The following NALF1 variants were observed in gnomAD, a reference collection of about 807,000 sequenced individuals.
NALF1 encodes family with sequence similarity 155 member A.
In NALF1, 3 loss-of-function variants were observed where a neutral mutation model predicts 48.4. The observed-to-expected ratio is 0.06, with a 90% CI of 0.03 to 0.16. The LOEUF is 0.16. NALF1 is among the 10% of genes least tolerant of loss of function. NALF1 has a pLI of 1.00. For missense variants in NALF1, 526 were observed against 571.5 expected (o/e 0.92, Z 0.81); for synonymous variants, 262 against 245.7 (o/e 1.07, Z -0.62).
intron 1 of NALF1, among the ~76,000 whole-genome samples, chr13:107,678,485 C>T (rs757058874): frequency 5.9e-5 from 9 of 152,222 alleles, no homozygotes; most frequent in South Asian, 2.1e-4. Context: ...TGTCCTACAC[C>T]GTCCTAGGGA....
chr13:107,814,944 T>C (rs936519706), intron 1 of NALF1, among the ~76,000 whole-genome samples: 13 of 152,004 alleles, frequency 8.6e-5, no homozygotes, highest in African/African-American at 2.9e-4. Context: ...CAGAATCCAA[T>C]AAATATAAAA....
chr13:107,419,479 T>C (rs969048284), intron 1 of NALF1, among the ~76,000 whole-genome samples: 45 of 152,230 alleles, frequency 3.0e-4, no homozygotes, highest in Admixed American at 8.5e-4. Context: ...AAAAATAACA[T>C]TGACTCTTGC....
chr13:107,544,595 A>G (rs901239677), intron 1 of NALF1, among the ~76,000 whole-genome samples: 5 of 152,184 alleles, frequency 3.3e-5, no homozygotes, highest in Non-Finnish European at 7.3e-5. Flanking sequence ...ATCCTGATTT[A>G]ACTGGCCAAA....
At chr13:107,841,997 TTTA>T (rs1206511126) in intron 1 of NALF1, among the ~76,000 whole-genome samples, 1 of 152,076 alleles carries the variant, frequency 6.6e-6, no homozygotes, top group Non-Finnish European at 1.5e-5. Flanking sequence ...TCTGCTTATA[TTTA>T]AGAACTCTTT....
chr13:107,482,923 C>T (rs1475673790), intron 1 of NALF1, among the ~76,000 whole-genome samples: 1 of 152,162 alleles, frequency 6.6e-6, no homozygotes, highest in Non-Finnish European at 1.5e-5. Context: ...TGGCCTCAGC[C>T]CCATGTAACT....
At chr13:107,383,955 T>C (rs553750621) in intron 1 of NALF1, among the ~76,000 whole-genome samples, 1 of 152,308 alleles carries the variant, frequency 6.6e-6, no homozygotes, top group Admixed American at 6.5e-5. Flanking sequence ...CAATTTAAAA[T>C]GGCATGCATT....
intron 2 of NALF1, 104 bp from the exon 3 acceptor site, chr13:107,170,890 C>T: frequency 9.9e-7 from 1 of 1,011,854 alleles, no homozygotes; most frequent in African/African-American, 1.6e-5. Flanking sequence ...ATCTTACAGG[C>T]AATTAGACAT....
At chr13:107,250,964 G>A (rs1258948600) in intron 1 of NALF1, among the ~76,000 whole-genome samples, 1 of 151,988 alleles carries the variant, frequency 6.6e-6, no homozygotes, top group Non-Finnish European at 1.5e-5. Context: ...GTTTCCTGAG[G>A]CCTCCCCAGC....
At chr13:107,513,206 G>A (rs924112392) in intron 1 of NALF1, among the ~76,000 whole-genome samples, 1 of 152,144 alleles carries the variant, frequency 6.6e-6, no homozygotes, top group Admixed American at 6.5e-5. Context: ...TATATTTGGG[G>A]AATTATTAAT....
chr13:107,210,820 T>C, intron 1 of NALF1, 65 bp from the exon 2 acceptor site: 1 of 1,153,562 alleles, frequency 8.7e-7, no homozygotes, highest in Non-Finnish European at 1.3e-6. Context: ...AGAGGCACTG[T>C]GAGAAGCGTG....
chr13:107,727,316 A>G (rs564471141), intron 1 of NALF1, among the ~76,000 whole-genome samples: 1 of 152,288 alleles, frequency 6.6e-6, no homozygotes, highest in African/African-American at 2.4e-5. Flanking sequence ...CCTTATATCT[A>G]TGTGACATTC....
intron 1 of NALF1, among the ~76,000 whole-genome samples, chr13:107,612,894 T>C (rs1041665119): frequency 9.9e-5 from 15 of 151,690 alleles, no homozygotes; most frequent in African/African-American, 3.6e-4. Flanking sequence ...AACTATCAAA[T>C]AGGACATACA....
At chr13:107,218,629 C>G (rs143601615) in intron 1 of NALF1, among the ~76,000 whole-genome samples, 4 of 152,106 alleles carry the variant, frequency 2.6e-5, no homozygotes, top group Non-Finnish European at 5.9e-5. Flanking sequence ...ACAAAACAAA[C>G]AAACAAACAA....
At chr13:107,668,272 T>C (rs1880908746) in intron 1 of NALF1, among the ~76,000 whole-genome samples, 2 of 152,108 alleles carry the variant, frequency 1.3e-5, no homozygotes, top group African/African-American at 4.8e-5. Context: ...TGTTCTGAAC[T>C]TTCCATCTCA....
At chr13:107,526,057 G>A (rs1876424468) in intron 1 of NALF1, among the ~76,000 whole-genome samples, 1 of 152,014 alleles carries the variant, frequency 6.6e-6, no homozygotes, top group Non-Finnish European at 1.5e-5. Context: ...CTGGATACAA[G>A]TTATTTGCCA....
intron 1 of NALF1, among the ~76,000 whole-genome samples, chr13:107,502,416 G>A (rs1381974005): frequency 1.3e-5 from 2 of 152,038 alleles, no homozygotes; most frequent in African/African-American, 2.4e-5. Context: ...TGGCTTAATT[G>A]TGATTAATTT....
chr13:107,528,248 G>T (rs1381058368), intron 1 of NALF1, among the ~76,000 whole-genome samples: 1 of 151,956 alleles, frequency 6.6e-6, no homozygotes, highest in Non-Finnish European at 1.5e-5. Flanking sequence ...CCACAATGGG[G>T]CCAATATGTT....
intron 1 of NALF1, among the ~76,000 whole-genome samples, chr13:107,655,579 T>C (rs73597341): frequency 0.012 from 1,837 of 152,176 alleles, 43 homozygotes; most frequent in African/African-American, 0.042. Context: ...AAAATGACCA[T>C]ACTGCCAAAA....
At chr13:107,784,728 T>C (rs948777975) in intron 1 of NALF1, among the ~76,000 whole-genome samples, 2 of 151,934 alleles carry the variant, frequency 1.3e-5, no homozygotes, top group African/African-American at 2.4e-5. Flanking sequence ...AGAATGGCCA[T>C]AATCAAAAAA....
Sources: allele counts gnomAD v4.1 joint callset (sites outside exome capture counted in the v4.1 genomes callset), GRCh38; gene constraint gnomAD v4.1.1; transcripts MANE v1.5; gene names NCBI Gene and HGNC (gene_info 2026-07-23, HGNC 2026-07-21).